The following DCTN2 variants were observed in gnomAD, a reference collection of about 807,000 sequenced individuals.
The protein encoded by DCTN2 is dynactin subunit 2.
A neutral mutation model predicts 55.4 loss-of-function variants in DCTN2; 18 were observed. The observed-to-expected ratio is 0.32, with a 90% CI of 0.22 to 0.48. The LOEUF (loss-of-function observed/expected upper bound fraction) is 0.48. Among genes scored for constraint, DCTN2 ranks in the 20% least tolerant of loss-of-function variants. The pLI is 0.99. For synonymous variants in DCTN2, 168 were observed against 185.2 expected, an observed-to-expected ratio of 0.91 and a Z score of 0.76; for missense variants, 390 against 491.0, an observed-to-expected ratio of 0.79 and a Z score of 1.94.
At chr12:57,534,596 C>A (rs777993399) in intron 5 of DCTN2, 144 bp from the exon 6 acceptor site, 40 of 725,196 alleles carry the variant, frequency 5.5e-5, no homozygotes, top group Non-Finnish European at 8.8e-5. Context: ...GTATGTAGCA[C>A]TGCATACAGA....
intron 11 of DCTN2, 107 bp downstream of exon 11, chr12:57,532,465 G>A: frequency 7.3e-7 from 1 of 1,366,494 alleles, no homozygotes; most frequent in South Asian, 1.2e-5. Context: ...CTTCATAAGA[G>A]CTTATGAAGA....
At chr12:57,535,659 A>G in intron 3 of DCTN2, 90 bp downstream of exon 3, 1 of 1,517,022 alleles carries the variant, frequency 6.6e-7, no homozygotes, top group Non-Finnish European at 9.1e-7. Context: ...CCTTCCCCCA[A>G]GCACAACTCA....
intron 7 of DCTN2, among the ~76,000 whole-genome samples, 178 bp downstream of exon 7, chr12:57,533,770 CAAAAA>C (rs34012531): frequency 8.0e-6 from 1 of 124,824 alleles, no homozygotes; most frequent in Non-Finnish European, 1.7e-5. Flanking sequence ...GACTCCGTCT[CAAAAA>C]AAAAAAAAAA....
chr12:57,543,029 G>A (rs1880828358), intron 2 of DCTN2: 1 of 455,340 alleles, frequency 2.2e-6, no homozygotes, highest in African/African-American at 2.0e-5. Flanking sequence ...GAAGATTAAG[G>A]CGGAGAATGC....
At chr12:57,531,181 C>T (rs886447347) in intron 13 of DCTN2, among the ~76,000 whole-genome samples, 2 of 152,196 alleles carry the variant, frequency 1.3e-5, no homozygotes, top group East Asian at 3.9e-4. Flanking sequence ...GCTGGTCTCT[C>T]GACTTTAATG....
Position 57,535,109 on chromosome 12 carries a change from G to A in DCTN2, c.310C>T (p.Gln104Ter), listed in dbSNP as rs2140122752. Residue 104 changes from glutamine (Q) to a stop codon, truncating the protein, a stop_gained, in exon 5 of 14, where the codon CAG (glutamine) becomes TAG (stop). Transcript: ENST00000548249. LOFTEE classifies it high-confidence loss of function. ...TCTTGGACCTCATGCAGTAGGCGCT[G>A]GTACTTTTGCTGGGGTGTCTCCTTC... Reference protein sequence around the residue: ...GVKETPQQKYQRLLHEVQELT... With the variant: ...GVKETPQQKY 6.2e-7 allele frequency: 1 copy of A among 1,613,794 alleles called. No individual in the cohort carries two copies. The highest frequency in any genetic ancestry group is 1.7e-5 in the Admixed American group (1 of 59,998).
chr12:57,532,929 C>T, intron 9 of DCTN2, 55 bp downstream of exon 9: 1 of 1,595,924 alleles, frequency 6.3e-7, no homozygotes. Flanking sequence ...CAAAGCAAAC[C>T]CAAACCCAAC....
intron 2 of DCTN2, among the ~76,000 whole-genome samples, chr12:57,539,115 G>A (rs1800465865): frequency 6.6e-6 from 1 of 152,212 alleles, no homozygotes; most frequent in Admixed American, 6.5e-5. Context: ...AGTCTGATAT[G>A]ACTTTAGGTG....
At chr12:57,530,863 C>G in intron 13 of DCTN2, 88 bp from the exon 14 acceptor site, 4 of 1,170,568 alleles carry the variant, frequency 3.4e-6, no homozygotes, top group South Asian at 2.6e-5. Context: ...AGAGAGAAGA[C>G]AAGAAATGGA....
chr12:57,537,014 C>T (rs1340186897), intron 2 of DCTN2, among the ~76,000 whole-genome samples: 6 of 150,708 alleles, frequency 4.0e-5, no homozygotes, highest in East Asian at 2.0e-4. Flanking sequence ...AATAGACAGC[C>T]GGGCAATGGT....
chr12:57,546,717 T>TG (rs1018323534), intron 1 of DCTN2, among the ~76,000 whole-genome samples: 4 of 151,768 alleles, frequency 2.6e-5, no homozygotes, highest in African/African-American at 7.3e-5. Flanking sequence ...TGGAGAGATT[T>TG]GGGGGGGACA....
chr12:57,544,294 T>C, intron 2 of DCTN2: 1 of 326,016 alleles, frequency 3.1e-6, no homozygotes, highest in Non-Finnish European at 6.2e-6. Context: ...ATAACCTACC[T>C]ACACCCTCCT....
intron 2 of DCTN2, chr12:57,543,202 A>C: frequency 2.8e-6 from 1 of 363,030 alleles, no homozygotes. Context: ...CAAGAAAATT[A>C]GCCGGGTGTG....
chr12:57,542,237 T>G (rs894791593), intron 2 of DCTN2, among the ~76,000 whole-genome samples: 1 of 151,654 alleles, frequency 6.6e-6, no homozygotes, highest in South Asian at 2.1e-4. Flanking sequence ...GATCACGCCA[T>G]TGCACTCCAG....
Position 57,532,198 on chromosome 12 carries a change from C to T in DCTN2, c.1027+15G>A. On this transcript the variant is annotated intron_variant, in intron 12 of 13. Transcript: ENST00000548249. ...TTTCAACTTCTCTTAGCACTCCTGG[C>T]AGCTGGCCTCCCACCTTGCTCGTGC... 1 of 1,552,894 alleles carries T rather than the reference C, an allele frequency of 6.4e-7. No individual in the cohort carries two copies. Among genetic ancestry groups the T allele is most frequent in the Non-Finnish European group, 8.7e-7 (1 of 1,147,582 alleles).
chr12:57,546,184 G>C (rs1219833530), intron 1 of DCTN2, 88 bp from the exon 2 acceptor site: 2 of 1,286,336 alleles, frequency 1.6e-6, no homozygotes, highest in African/African-American at 2.9e-5. Context: ...AGCTAACAGA[G>C]AAGGCGGGGT....
At chr12:57,542,051 G>T (rs1880737223) in intron 2 of DCTN2, among the ~76,000 whole-genome samples, 2 of 152,170 alleles carry the variant, frequency 1.3e-5, no homozygotes, top group Admixed American at 1.3e-4. Context: ...TAGGTGAGTG[G>T]ATCACCTGAG....
At chr12:57,541,378 GT>G in intron 2 of DCTN2, 1 of 1,599,406 alleles carries the variant, frequency 6.3e-7, no homozygotes, top group Non-Finnish European at 8.5e-7. Context: ...GCAAACTAGT[GT>G]CCAGGCAAGG....
At chr12:57,530,858 G>C in intron 13 of DCTN2, 83 bp from the exon 14 acceptor site, 1 of 1,204,570 alleles carries the variant, frequency 8.3e-7, no homozygotes, top group South Asian at 1.3e-5. Flanking sequence ...CTCTGAGAGA[G>C]AAGACAAGAA....
Sources: allele counts gnomAD v4.1 joint callset (sites outside exome capture counted in the v4.1 genomes callset), GRCh38; gene constraint gnomAD v4.1.1; transcripts MANE v1.5; gene names NCBI Gene and HGNC (gene_info 2026-07-23, HGNC 2026-07-21).